Variants in ADGRG4 observed in about 807,000 individuals in gnomAD.
ADGRG4 encodes adhesion G protein-coupled receptor G4.
A neutral mutation model predicts 126.2 loss-of-function variants in ADGRG4; 122 were observed. That is an observed-to-expected ratio of 0.97 (90% CI 0.83 to 1.12). The LOEUF is 1.12. Among genes scored for constraint, ADGRG4 ranks in the 50% most tolerant of loss-of-function variants. The pLI, the probability that ADGRG4 is intolerant of heterozygous loss-of-function variation, is 0.00. For missense variants in ADGRG4, 2,481 were observed against 2,251.8 expected, an observed-to-expected ratio of 1.10 and a Z score of -2.06; for synonymous variants, 943 against 838.7, an observed-to-expected ratio of 1.12 and a Z score of -2.15.
At chrX:136,406,007 C>G (rs746649614) in intron 23 of ADGRG4, 35 bp downstream of exon 23, 2 of 1,093,587 alleles carry the variant, frequency 1.8e-6, no homozygotes, top group Admixed American at 3.1e-5. Context: ...CTGTGGCCAG[C>G]TACACATGCA....
intron 1 of ADGRG4, among the ~76,000 whole-genome samples, chrX:136,301,458 T>C (rs2074699357): frequency 1.8e-5 from 2 of 112,292 alleles, no homozygotes; most frequent in Admixed American, 9.4e-5. Flanking sequence ...TGCAAATTTG[T>C]TGGAGTTCTT....
At position 136,359,282 on chromosome X, in the gene ADGRG4, T is replaced by C. The variant is rs781585253; in HGVS notation, c.6981-10T>C. ...CTGCAACAATCTTTCTTTTTTATTCTGCTTTGTAGTTGTGTTTGTCAGGTC... is the reference window on the plus strand; with the variant it reads ...CTGCAACAATCTTTCTTTTTTATTCCGCTTTGTAGTTGTGTTTGTCAGGTC... On this transcript the variant is annotated splice_polypyrimidine_tract_variant and intron_variant, in intron 10 of 25. Coordinates refer to ENST00000394143, the MANE Select transcript of ADGRG4 (RefSeq NM_153834.4). 1 of 1,187,340 alleles carries C rather than the reference T, an allele frequency of 8.4e-7. No individual in the cohort carries two copies. The highest frequency in any genetic ancestry group is 1.9e-5 in the South Asian group (1 of 52,070).
chrX:136,365,957 C>T (rs55683334), intron 13 of ADGRG4, among the ~76,000 whole-genome samples: 6 of 112,136 alleles, frequency 5.4e-5, no homozygotes, highest in Non-Finnish European at 9.4e-5. Context: ...CCTCCCCCAA[C>T]CACCTGCAGA....
chrX:136,349,402 T>C lies in ADGRG4; in HGVS notation c.5696T>C (p.Ile1899Thr), dbSNP rs1192085449. The C allele has an allele frequency of 5.8e-6, 7 of 1,200,847 alleles. No individual in the cohort carries two copies. The highest frequency in any genetic ancestry group is 7.9e-6 in the Non-Finnish European group (7 of 887,320). The change falls in exon 6 of 26, where the codon ATT (isoleucine) becomes ACT (threonine). Residue 1899 changes from isoleucine to threonine, a missense_variant. Physicochemically the swap from Ile to Thr is moderately conservative, Grantham distance 89. Coordinates refer to ENST00000394143, the MANE Select transcript of ADGRG4 (RefSeq NM_153834.4). ...EGSQFPISTTINVPTSNEMET... is the reference protein window; with the variant it reads ...EGSQFPISTTTNVPTSNEMET... ...TCTCAGTTTCCAATTTCCACCACTA[T>C]TAATGTACCTACATCCAATGAGATG...
At chrX:136,391,913 C>A (rs187745042) in intron 16 of ADGRG4, among the ~76,000 whole-genome samples, 4 of 112,363 alleles carry the variant, frequency 3.6e-5, no homozygotes, top group African/African-American at 1.3e-4. Flanking sequence ...ATGTCAAGGT[C>A]CAGAAAGTTA....
rs1349230323 is a variant in ADGRG4 at position 136,347,657 on chromosome X, G to T, written c.3951G>T (p.Glu1317Asp). Residue 1317 changes from glutamate (E) to aspartate (D), a missense_variant, in exon 6 of 26, where the codon GAG (glutamate) becomes GAT (aspartate). By Grantham distance (45) the Glu-to-Asp change is conservative (BLOSUM62 2). Transcript: ENST00000394143. ...GTCACCAAACACATTCGCCTTCAGAGATTCCACTTGGGACTCCCTCTGATG... is the reference window on the plus strand; with the variant it reads ...GTCACCAAACACATTCGCCTTCAGATATTCCACTTGGGACTCCCTCTGATG... ...ISSHQTHSPS[E>D]IPLGTPSDGN... The T allele has an allele frequency of 8.3e-7, 1 of 1,209,032 alleles. No individual in the cohort carries two copies. Among genetic ancestry groups the T allele is most frequent in the Non-Finnish European group, 1.1e-6 (1 of 894,635 alleles).
chrX:136,376,837 G>A (rs2075229252), intron 15 of ADGRG4, among the ~76,000 whole-genome samples: 2 of 111,281 alleles, frequency 1.8e-5, no homozygotes, highest in Non-Finnish European at 1.9e-5. Flanking sequence ...ATCAGATGTA[G>A]GAGCTTTTTG....
chrX:136,311,893 C>T (rs2074774259), intron 4 of ADGRG4, among the ~76,000 whole-genome samples: 1 of 111,050 alleles, frequency 9.0e-6, no homozygotes, highest in South Asian at 3.9e-4. Context: ...CACAGGATCT[C>T]GCTGTGTTGC....
At chrX:136,380,687 C>A (rs1406784687) in intron 15 of ADGRG4, among the ~76,000 whole-genome samples, 5 of 93,585 alleles carry the variant, frequency 5.3e-5, no homozygotes, top group African/African-American at 2.0e-4. Flanking sequence ...TCCTCCTCCT[C>A]CTTCTTCTTC....
chrX:136,352,546 T>C (rs1272645715), intron 7 of ADGRG4, among the ~76,000 whole-genome samples: 1 of 111,089 alleles, frequency 9.0e-6, no homozygotes, highest in African/African-American at 3.3e-5. Flanking sequence ...CTGAAAACAA[T>C]TCCCTAGAAG....
At chrX:136,400,141 G>T in intron 21 of ADGRG4, 25 bp downstream of exon 21, 1 of 1,087,335 alleles carries the variant, frequency 9.2e-7, no homozygotes, top group South Asian at 2.0e-5. Context: ...CATTGTTTTT[G>T]ATATTTATGT....
chrX:136,338,658 T>C (rs1478834207), intron 5 of ADGRG4, among the ~76,000 whole-genome samples: 1 of 112,177 alleles, frequency 8.9e-6, no homozygotes, highest in Non-Finnish European at 1.9e-5. Flanking sequence ...GATGATTGCT[T>C]TAATATCATT....
At position 136,342,728 on chromosome X, in the gene ADGRG4, A is replaced by T. The variant is rs1349586221; in HGVS notation, c.686-1664A>T. Among the ~76,000 whole-genome samples the T allele has an allele frequency of 4.5e-5, 5 of 110,615 alleles. No individual in the cohort carries two copies. In the Admixed American group the frequency reaches 4.8e-4, roughly 11 times the overall value. ...CATGCCAAGTATTAGAGAACTAAAA[A>T]GAGGAAGACTAAAAAAAAACAGAGG... On this transcript the variant is annotated intron_variant, in intron 5 of 25. Transcript: ENST00000394143.
intron 20 of ADGRG4, among the ~76,000 whole-genome samples, chrX:136,399,161 G>T (rs2075366358): frequency 9.0e-6 from 1 of 111,247 alleles, no homozygotes; most frequent in East Asian, 2.8e-4. Context: ...GAGCCTTCTG[G>T]GATGTTGAAA....
At chrX:136,351,988 G>A (rs1299215094) in intron 7 of ADGRG4, among the ~76,000 whole-genome samples, 18 of 111,018 alleles carry the variant, frequency 1.6e-4, no homozygotes, top group African/African-American at 5.9e-4. Context: ...TTCTTGATAT[G>A]ACTAATACAT....
intron 15 of ADGRG4, among the ~76,000 whole-genome samples, chrX:136,385,805 GT>G (rs1266243012): frequency 8.9e-6 from 1 of 112,150 alleles, no homozygotes; most frequent in East Asian, 2.8e-4. Flanking sequence ...TTGATTGGCA[GT>G]TCAAATCTCA....
At chrX:136,397,491 C>CT (rs1184936316) in intron 19 of ADGRG4, among the ~76,000 whole-genome samples, 1,838 of 50,435 alleles carry the variant, frequency 0.036, 45 homozygotes, top group East Asian at 0.055. Flanking sequence ...AGGAAAAGGA[C>CT]TTTTTTTTTT....
intron 15 of ADGRG4, among the ~76,000 whole-genome samples, chrX:136,380,568 C>CTCT (rs1330917485): frequency 0.19 from 14,903 of 79,275 alleles, 1,792 homozygotes; most frequent in Non-Finnish European, 0.22. Context: ...CTTCTTCTTC[C>CTCT]TCTTCTTCTT....
At chrX:136,385,608 C>T (rs1319836836) in intron 15 of ADGRG4, among the ~76,000 whole-genome samples, 1 of 111,671 alleles carries the variant, frequency 9.0e-6, no homozygotes, top group Non-Finnish European at 1.9e-5. Flanking sequence ...GGTTTAACTC[C>T]ATTGATTATC....
Sources: allele counts gnomAD v4.1 joint callset (sites outside exome capture counted in the v4.1 genomes callset), GRCh38; gene constraint gnomAD v4.1.1; transcripts MANE v1.5; gene names NCBI Gene and HGNC (gene_info 2026-07-23, HGNC 2026-07-21).